The following MICAL2 variants were observed in gnomAD, a reference collection of about 807,000 sequenced individuals.
MICAL2 encodes microtubule associated monooxygenase, calponin and LIM domain containing 2, also known as [F-actin]-monooxygenase MICAL2.
A neutral mutation model predicts 127.3 loss-of-function variants in MICAL2; 77 were observed. The ratio of observed to expected loss-of-function variants is 0.60; its 90% CI spans 0.50 to 0.73. The LOEUF is 0.73. Among genes scored for constraint, MICAL2 ranks in the 30% least tolerant of loss-of-function variants. The pLI is 0.00. For synonymous variants in MICAL2, 570 were observed against 551.1 expected (o/e 1.03, Z -0.48); for missense variants, 1,351 against 1,434.4 (o/e 0.94, Z 0.94).
intron 33 of MICAL2, among the ~76,000 whole-genome samples, chr11:12,351,157 A>G (rs979677580): frequency 1.3e-5 from 2 of 152,218 alleles, no homozygotes; most frequent in Admixed American, 1.3e-4. Context: ...ATAAGGTCAC[A>G]TTCAGTTTCC....
intron 9 of MICAL2, 111 bp downstream of exon 9, chr11:12,220,569 C>T (rs1425818462): frequency 7.0e-7 from 1 of 1,435,990 alleles, no homozygotes; most frequent in African/African-American, 1.4e-5. Context: ...GGCTCTCAGC[C>T]AGTTGGCAGG....
At chr11:12,138,076 G>A (rs1851994707) in intron 1 of MICAL2, among the ~76,000 whole-genome samples, 2 of 152,200 alleles carry the variant, frequency 1.3e-5, no homozygotes, top group Non-Finnish European at 1.5e-5. Flanking sequence ...TTTTACTAAA[G>A]CAGCGAATAA....
intron 11 of MICAL2, 82 bp from the exon 12 acceptor site, chr11:12,223,329 T>G: frequency 1.2e-5 from 15 of 1,206,428 alleles, no homozygotes; most frequent in Non-Finnish European, 1.8e-5. Flanking sequence ...AGGCACTGAA[T>G]TGGGGGTGGG....
chr11:12,308,146 T>C (rs181644665), intron 29 of MICAL2: 44 of 152,436 alleles, frequency 2.9e-4, no homozygotes, highest in African/African-American at 1.1e-3. Context: ...TGCCTTGGCT[T>C]CCCAAAGTGC....
intron 24 of MICAL2, 91 bp from the exon 25 acceptor site, chr11:12,258,377 A>T: frequency 1.0e-6 from 1 of 961,970 alleles, no homozygotes; most frequent in Non-Finnish European, 1.7e-6. Context: ...CTATTTTCTG[A>T]CTTGGACAGT....
chr11:12,323,705 T>C (rs1864325371), intron 30 of MICAL2, among the ~76,000 whole-genome samples: 1 of 152,328 alleles, frequency 6.6e-6, no homozygotes, highest in African/African-American at 2.4e-5. Context: ...TTTAAATTCA[T>C]TAAAATTGAA....
intron 29 of MICAL2, among the ~76,000 whole-genome samples, chr11:12,300,876 A>T (rs1471860521): frequency 6.6e-6 from 1 of 152,234 alleles, no homozygotes; most frequent in Non-Finnish European, 1.5e-5. Flanking sequence ...TTCCACAACA[A>T]TAGAAAAACC....
chr11:12,199,089 G>T (rs947142371), intron 3 of MICAL2, among the ~76,000 whole-genome samples: 1 of 152,138 alleles, frequency 6.6e-6, no homozygotes, highest in African/African-American at 2.4e-5. Flanking sequence ...TTAAAATCCA[G>T]ATCTGACAGC....
intron 2 of MICAL2, among the ~76,000 whole-genome samples, chr11:12,139,634 C>G (rs114726489): frequency 0.011 from 1,652 of 152,272 alleles, 32 homozygotes; most frequent in African/African-American, 0.038. Flanking sequence ...TCAGGGAAAG[C>G]TGCTCCAGGA....
At chr11:12,239,754 GT>G (rs1470156049) in intron 17 of MICAL2, among the ~76,000 whole-genome samples, 169 bp downstream of exon 17, 1 of 152,210 alleles carries the variant, frequency 6.6e-6, no homozygotes, top group African/African-American at 2.4e-5. Flanking sequence ...CCAGATAGCA[GT>G]TTTTTAGTGC....
At chr11:12,208,209 C>G in intron 5 of MICAL2, 70 bp downstream of exon 5, 2 of 1,241,428 alleles carry the variant, frequency 1.6e-6, no homozygotes, top group Non-Finnish European at 2.4e-6. Flanking sequence ...TTGCTGCTTC[C>G]AAAGGGTGTT....
downstream of MICAL2, chr11:12,292,401 C>T: frequency 7.7e-7 from 1 of 1,300,422 alleles, no homozygotes; most frequent in Non-Finnish European, 1.1e-6. Flanking sequence ...CATAGGTCAA[C>T]CTAAGTGCAA....
Position 12,160,274 on chromosome 11 carries a change from C to T in MICAL2, c.-77-1805C>T, listed in dbSNP as rs559760935. ...TGCTCCTTTGCATGTGCTGTTCTTC[C>T]CCCTTCTCTTCCGGCTCCTCTCATT... is the stretch of plus-strand genomic sequence containing the variant. On this transcript the variant is annotated intron_variant, in intron 2 of 27. Coordinates refer to ENST00000683283, the MANE Select transcript of MICAL2 (RefSeq NM_001282663.2). Among the ~76,000 whole-genome samples, 11 of 152,248 alleles carry T rather than the reference C, an allele frequency of 7.2e-5. No homozygotes were observed. In the East Asian group the frequency reaches 1.9e-3, roughly 27 times the overall value.
In MICAL2 at chr11:12,330,820, AGG is replaced by A. The variant is rs869152991; in HGVS notation, c.5515+3556_5515+3557del. On this transcript the variant is annotated intron_variant, in intron 32 of 34. Coordinates refer to the MICAL2 transcript ENST00000646065. Reference sequence around the variant, plus strand: ...GAGAGAGAGACAGAGAGAGAGAGAGAGGGAGAGACAGACAGAGAGAGAGAGAG... The same window carrying A: ...GAGAGAGAGACAGAGAGAGAGAGAGAGAGAGACAGACAGAGAGAGAGAGAG... 4.4e-4 allele frequency among the ~76,000 whole-genome samples: 65 copies of A among 148,804 alleles called. 2 individuals carry two copies. Among genetic ancestry groups the A allele is most frequent in the Non-Finnish European group, 5.8e-4 (39 of 66,748 alleles).
intron 2 of MICAL2, among the ~76,000 whole-genome samples, chr11:12,139,384 G>C (rs1373714672): frequency 6.6e-6 from 1 of 152,184 alleles, no homozygotes; most frequent in South Asian, 2.1e-4. Context: ...TGTGAGCCTT[G>C]GCAGGGCGTT....
intron 3 of MICAL2, among the ~76,000 whole-genome samples, chr11:12,179,938 GC>G (rs755012321): frequency 1.3e-5 from 2 of 152,272 alleles, no homozygotes; most frequent in Non-Finnish European, 2.9e-5. Context: ...CCTTTAAGCA[GC>G]CATCTGACTT....
At chr11:12,330,894 AGAGAGAGTGTGTGTGTGTGT>A (rs1864416512) in intron 32 of MICAL2, among the ~76,000 whole-genome samples, 1 of 124,218 alleles carries the variant, frequency 8.1e-6, no homozygotes, top group Non-Finnish European at 1.7e-5. Flanking sequence ...AGAGAGAGAG[AGAGAGAGTGTGTGTGTGTGT>A]GTGTGTGTGT....
chr11:12,282,461 G>A (rs1863783144), intron 2 of MICAL2, among the ~76,000 whole-genome samples: 1 of 151,976 alleles, frequency 6.6e-6, no homozygotes, highest in African/African-American at 2.4e-5. Context: ...GACGGTTTTA[G>A]GCAACTTACA....
intron 1 of MICAL2, among the ~76,000 whole-genome samples, chr11:12,129,958 C>T (rs556791038): frequency 6.6e-6 from 1 of 152,180 alleles, no homozygotes; most frequent in Non-Finnish European, 1.5e-5. Flanking sequence ...AGTTATCCTT[C>T]CATCTTGGCC....
Sources: gnomAD v4.1 joint callset for allele counts (sites outside exome capture counted in the v4.1 genomes callset) on GRCh38, gnomAD v4.1.1 for gene constraint, MANE v1.5 for transcripts, NCBI Gene and HGNC (gene_info 2026-07-23, HGNC 2026-07-21) for gene names.